ZNF320: variants seen among roughly 807,000 people sequenced by gnomAD.
ZNF320 encodes the protein zinc finger protein 320.
Under a neutral mutation model 6.8 loss-of-function variants are expected in ZNF320, and 2 were observed. The observed-to-expected ratio is 0.29, with a 90% CI of 0.12 to 0.93. ZNF320 has a LOEUF of 0.93. Among genes scored for constraint, ZNF320 ranks in the 40% least tolerant of loss-of-function variants. The pLI is 0.55. For synonymous variants in ZNF320, 208 were observed against 203.2 expected (o/e 1.02, Z -0.20); for missense variants, 472 against 611.0 (o/e 0.77, Z 2.40).
intron 5 of ZNF320, chr19:52,865,509 T>C (rs1425770336): frequency 2.2e-5 from 3 of 137,114 alleles, no homozygotes; most frequent in Non-Finnish European, 3.0e-5. Flanking sequence ...TACATATATA[T>C]TTATATATTA....
chr19:52,865,573 A>T (rs1279983566), intron 5 of ZNF320: 4 of 122,178 alleles, frequency 3.3e-5, no homozygotes, highest in Non-Finnish European at 6.4e-5. Context: ...TCATACATAT[A>T]TATTTATATG....
At chr19:52,895,804 T>G (rs373115061) in intron 1 of ZNF320, 2 of 152,082 alleles carry the variant, frequency 1.3e-5, no homozygotes, top group African/African-American at 4.8e-5. Context: ...AGGGAGACTT[T>G]GTCTCAAAAA....
chr19:52,892,667 C>T (rs1366159838), intron 2 of ZNF320, among the ~76,000 whole-genome samples: 1 of 152,174 alleles, frequency 6.6e-6, no homozygotes, highest in Non-Finnish European at 1.5e-5. Context: ...ATCTTTAGAT[C>T]ATCCTCAATC....
chr19:52,897,063 T>C (rs1708174757), intron 1 of ZNF320, among the ~76,000 whole-genome samples: 1 of 152,224 alleles, frequency 6.6e-6, no homozygotes, highest in South Asian at 2.1e-4. Flanking sequence ...ATAAATACTT[T>C]AACCCCCTAA....
intron 5 of ZNF320, among the ~76,000 whole-genome samples, chr19:52,866,235 T>TATATTTTTATATATGATTATAC (rs1568694401): frequency 1.7e-5 from 1 of 58,964 alleles, no homozygotes; most frequent in Non-Finnish European, 3.5e-5. Context: ...TGATTATACA[T>TATATTTTTATATATGATTATAC]ATATATATAT....
chr19:52,886,807 C>T (rs759846306), intron 5 of ZNF320, among the ~76,000 whole-genome samples: 19 of 151,958 alleles, frequency 1.3e-4, no homozygotes, highest in Non-Finnish European at 2.9e-5. Flanking sequence ...TGGTGGTGAG[C>T]GCCTGCAGTC....
intron 3 of ZNF320, among the ~76,000 whole-genome samples, chr19:52,890,898 A>T (rs2064267750): frequency 6.6e-6 from 1 of 150,544 alleles, no homozygotes; most frequent in Admixed American, 6.6e-5. Context: ...TGCCTGTAAT[A>T]CTAGCACTCT....
chr19:52,904,088 G>C, the ZNF320 span, among the ~76,000 whole-genome samples: 84 of 152,374 alleles, frequency 5.5e-4, no homozygotes, highest in Middle Eastern at 3.4e-3. Flanking sequence ...AGTGGGGCAA[G>C]TTCCAAAGAT....
chr19:52,874,159 T>C (rs1194290827), downstream of ZNF320: 1 of 218,264 alleles, frequency 4.6e-6, no homozygotes, highest in Non-Finnish European at 9.4e-6. Flanking sequence ...AGATCTCACC[T>C]GGGAGAAAGA....
chr19:52,881,711 G>A lies in ZNF320; in HGVS notation c.415C>T (p.Gln139Ter), dbSNP rs2063926918. 9.3e-6 allele frequency: 15 copies of A among 1,613,944 alleles called. No individual in the cohort carries two copies. Among genetic ancestry groups the A allele is most frequent in the Non-Finnish European group, 1.1e-5 (13 of 1,179,884 alleles). ...TGCAAATGAAATCTTGATTCAAGCT[G>A]ACCTTTAATAGGCTTGTTTCCAGCA... is the stretch of plus-strand genomic sequence containing the variant. Reference protein sequence around the residue: ...RHAGNKPIKGQLESRFHLHLR... With the variant: ...RHAGNKPIKG The change falls in exon 6 of 6, where the codon CAG becomes TAG. Residue 139 changes from glutamine to a stop codon, truncating the protein, a stop_gained. Coordinates refer to ENST00000682928, the MANE Select transcript of ZNF320 (RefSeq NM_001351774.2). LOFTEE classifies it low-confidence loss of function (END_TRUNC).
intron 5 of ZNF320, among the ~76,000 whole-genome samples, chr19:52,864,977 C>A (rs1568692159): frequency 6.6e-6 from 1 of 151,826 alleles, no homozygotes; most frequent in Non-Finnish European, 1.5e-5. Flanking sequence ...CGGGCCACTA[C>A]ACGCCAGCCT....
intron 5 of ZNF320, among the ~76,000 whole-genome samples, chr19:52,884,897 T>C (rs7248891): frequency 0.16 from 23,777 of 152,122 alleles, 1,978 homozygotes; most frequent in East Asian, 0.27. Context: ...AGCCATCTAA[T>C]AGCACTAACA....
upstream of ZNF320, among the ~76,000 whole-genome samples, chr19:52,898,697 G>A (rs1054248978): frequency 6.6e-6 from 1 of 152,332 alleles, no homozygotes; most frequent in East Asian, 1.9e-4. Flanking sequence ...TGAAAGGGTC[G>A]TGATTGATTT....
chr19:52,871,336 G>A (rs966919063), downstream of ZNF320, among the ~76,000 whole-genome samples: 1 of 151,874 alleles, frequency 6.6e-6, no homozygotes, highest in African/African-American at 2.4e-5. Flanking sequence ...TCTCCAACAT[G>A]GTGAAACCCC....
At chr19:52,859,865 A>G (rs2063476408), downstream of ZNF320, among the ~76,000 whole-genome samples, 1 of 151,680 alleles carries the variant, frequency 6.6e-6, no homozygotes. Flanking sequence ...GTTACAAAGT[A>G]GGGTGTCCTC....
At chr19:52,871,518 C>CA (rs543880152), downstream of ZNF320, among the ~76,000 whole-genome samples, 41 of 151,698 alleles carry the variant, frequency 2.7e-4, no homozygotes, top group South Asian at 2.9e-3. Flanking sequence ...CACTCCACTT[C>CA]GGAAAAAAAA....
chr19:52,866,235 T>TATATTTATACATATGATTATAC (rs1568694401), intron 5 of ZNF320, among the ~76,000 whole-genome samples: 6,091 of 58,922 alleles, frequency 0.1, 849 homozygotes, highest in African/African-American at 0.22. Flanking sequence ...TGATTATACA[T>TATATTTATACATATGATTATAC]ATATATATAT....
intron 5 of ZNF320, among the ~76,000 whole-genome samples, chr19:52,865,867 T>C (rs1273962281): frequency 4.6e-4 from 56 of 121,718 alleles, no homozygotes; most frequent in African/African-American, 1.8e-3. Context: ...ATATTATACA[T>C]ATATATTTAT....
rs59001698 is a variant in ZNF320, at chr19:52,878,241, CTTTTTTTTTTTTTTT to C, written c.*2340_*2354del. ...TGCCTGCCACTCTGTGCATCACTTT[CTTTTTTTTTTTTTTT>C]TTTTTTTTTTTGAGATGGAGTCTCG... is the stretch of plus-strand genomic sequence containing the variant. On this transcript the variant is annotated 3_prime_UTR_variant, in exon 6 of 6. Transcript: ENST00000682928. 4.0e-5 allele frequency: 4 copies of C among 98,880 alleles called. No individual in the cohort carries two copies. Among genetic ancestry groups the C allele is most frequent in the South Asian group, 4.2e-4 (1 of 2,364 alleles). The allele number at this position is 98,880 out of a possible 1,614,324, so 6.1% of individuals were successfully genotyped here.
Sources: allele counts gnomAD v4.1 joint callset (sites outside exome capture counted in the v4.1 genomes callset), GRCh38; gene constraint gnomAD v4.1.1; transcripts MANE v1.5; gene names NCBI Gene and HGNC (gene_info 2026-07-23, HGNC 2026-07-21).